CRIM1: variants seen among roughly 807,000 people sequenced by gnomAD.
CRIM1 encodes cysteine-rich motor neuron 1 protein.
CRIM1 carries 32 observed loss-of-function variants against 116.4 expected under a neutral mutation model. The ratio of observed to expected loss-of-function variants is 0.27; its 90% CI spans 0.21 to 0.37. The LOEUF is 0.37. CRIM1 is among the 10% of genes least tolerant of loss of function. The pLI is 1.00. For missense variants in CRIM1, 1,331 were observed against 1,354.8 expected, an observed-to-expected ratio of 0.98 and a Z score of 0.28; for synonymous variants, 590 against 509.2, an observed-to-expected ratio of 1.16 and a Z score of -2.13.
At chr2:36,456,880 C>T (rs1424987434) in intron 4 of CRIM1, among the ~76,000 whole-genome samples, 1 of 151,862 alleles carries the variant, frequency 6.6e-6, no homozygotes, top group Non-Finnish European at 1.5e-5. Context: ...GTGAAAGATG[C>T]CGTTGTTTTC....
At chr2:36,487,735 G>A (rs140802296) in intron 7 of CRIM1, among the ~76,000 whole-genome samples, 1 of 152,032 alleles carries the variant, frequency 6.6e-6, no homozygotes, top group African/African-American at 2.4e-5. Flanking sequence ...TAAGAATATA[G>A]CCTCTAAAAG....
chr2:36,486,064 A>G (rs1160673296), intron 7 of CRIM1, among the ~76,000 whole-genome samples: 1 of 152,172 alleles, frequency 6.6e-6, no homozygotes, highest in African/African-American at 2.4e-5. Context: ...TCATATTTTG[A>G]TTTTTCTCTG....
At chr2:36,431,329 A>G (rs1264336241) in intron 2 of CRIM1, among the ~76,000 whole-genome samples, 1 of 152,092 alleles carries the variant, frequency 6.6e-6, no homozygotes, top group African/African-American at 2.4e-5. Context: ...ATATTCTTTT[A>G]CTCTCCAAGG....
At chr2:36,376,159 G>T (rs955131707) in intron 1 of CRIM1, among the ~76,000 whole-genome samples, 3 of 152,204 alleles carry the variant, frequency 2.0e-5, no homozygotes, top group African/African-American at 7.2e-5. Context: ...AAACTTCAAG[G>T]TGGGAATCAA....
At chr2:36,529,451 G>T in intron 13 of CRIM1, 1 of 212,690 alleles carries the variant, frequency 4.7e-6, no homozygotes, top group Non-Finnish European at 9.8e-6. Context: ...GGGCCACCTT[G>T]ATCTTTAGTT....
At chr2:36,386,479 A>T (rs1340698929) in intron 1 of CRIM1, among the ~76,000 whole-genome samples, 1 of 152,206 alleles carries the variant, frequency 6.6e-6, no homozygotes, top group Non-Finnish European at 1.5e-5. Flanking sequence ...TTTCTCTGTT[A>T]TTTCTAAATA....
At chr2:36,376,368 C>T (rs1670319061) in intron 1 of CRIM1, among the ~76,000 whole-genome samples, 1 of 152,192 alleles carries the variant, frequency 6.6e-6, no homozygotes, top group Admixed American at 6.5e-5. Context: ...CCTGTGTAAG[C>T]TGCAGGTTGA....
chr2:36,547,506 C>T (rs1667435705), intron 16 of CRIM1, among the ~76,000 whole-genome samples: 1 of 152,080 alleles, frequency 6.6e-6, no homozygotes, highest in Non-Finnish European at 1.5e-5. Flanking sequence ...AACGTGATCA[C>T]CTGGCATTTC....
At chr2:36,529,148 T>C (rs1201022594) in intron 13 of CRIM1, 2 of 471,196 alleles carry the variant, frequency 4.2e-6, no homozygotes, top group Non-Finnish European at 4.4e-6. Context: ...CTTATTTTGG[T>C]CCAGGAGGCC....
chr2:36,447,446 T>A (rs1676334642), intron 4 of CRIM1, among the ~76,000 whole-genome samples: 1 of 152,136 alleles, frequency 6.6e-6, no homozygotes, highest in South Asian at 2.1e-4. Flanking sequence ...TGACAAAGAT[T>A]TATTCTTTGT....
chr2:36,435,390 G>C (rs17018786), intron 2 of CRIM1, among the ~76,000 whole-genome samples: 3,214 of 151,994 alleles, frequency 0.021, 145 homozygotes, highest in East Asian at 0.18. Context: ...AGAACGAGAA[G>C]AGATTTCAAA....
chr2:36,407,231 A>G (rs1433081410), intron 2 of CRIM1, among the ~76,000 whole-genome samples: 1 of 152,230 alleles, frequency 6.6e-6, no homozygotes. Flanking sequence ...ATACAGAAGC[A>G]CACACACATA....
rs1299888692 is a variant in CRIM1 at position 36,356,624 on chromosome 2, GTACGGCCGCCCGC to G, written c.331+3_331+15del. On this transcript the variant is annotated splice_donor_variant and splice_donor_5th_base_variant and intron_variant, in intron 1 of 16. Transcript: ENST00000280527. LOFTEE classifies it high-confidence loss of function. The surrounding 1 kb of genome is among the most constrained non-coding windows in gnomAD (Gnocchi z 4.3). ...GAGTACGAAGCGGGCGTTTGCGAAG[GTACGGCCGCCCGC>G]TGCGGGCCCCCTCCCACCTGGCCTG... The G allele has an allele frequency of 1.9e-6, 3 of 1,604,162 alleles. No individual in the cohort carries two copies. Among genetic ancestry groups the G allele is most frequent in the African/African-American group, 2.7e-5 (2 of 74,900 alleles).
intron 14 of CRIM1, among the ~76,000 whole-genome samples, chr2:36,540,541 G>A (rs904454627): frequency 6.6e-6 from 1 of 152,132 alleles, no homozygotes; most frequent in African/African-American, 2.4e-5. Context: ...CAAGGCCAGT[G>A]CCTCTGGAGC....
rs1006044403 is a variant in CRIM1, at chr2:36,460,103, GA to G, written c.870-4421del. On this transcript the variant is annotated intron_variant, in intron 4 of 16. Transcript: ENST00000280527. Reference sequence around the variant, plus strand: ...GAGCTTGAATCCATTACCTACTTGAGAAAAAAAAAAGACAGCTTTACCAAGT... The same window carrying G: ...GAGCTTGAATCCATTACCTACTTGAGAAAAAAAAAGACAGCTTTACCAAGT... Among the ~76,000 whole-genome samples the G allele has an allele frequency of 2.7e-5, 4 of 147,796 alleles. No homozygotes were observed. The East Asian group carries it at 5.9e-4, about 22-fold the overall frequency.
intron 7 of CRIM1, among the ~76,000 whole-genome samples, chr2:36,494,301 G>A (rs1485704774): frequency 6.6e-6 from 1 of 152,082 alleles, no homozygotes; most frequent in Non-Finnish European, 1.5e-5. Flanking sequence ...TTCAATAACA[G>A]TGTCTGAAGC....
In CRIM1 at chr2:36,380,746, A is replaced by T. The variant is rs146443575; in HGVS notation, c.332-15868A>T. On this transcript the variant is annotated intron_variant, in intron 1 of 16. Transcript: ENST00000280527. ...TAGCCAAAAAATCATCAGACTTTGAAAATCAGTGAGGTCAGAGGACTGTTG... is the reference window on the plus strand; with the variant it reads ...TAGCCAAAAAATCATCAGACTTTGATAATCAGTGAGGTCAGAGGACTGTTG... 1.6e-3 allele frequency among the ~76,000 whole-genome samples: 241 copies of T among 152,288 alleles called. 1 individual carries two copies. The highest frequency in any genetic ancestry group is 5.5e-3 in the African/African-American group (227 of 41,542).
chr2:36,483,995 G>C (rs1679622352), intron 7 of CRIM1, among the ~76,000 whole-genome samples: 1 of 152,196 alleles, frequency 6.6e-6, no homozygotes, highest in Non-Finnish European at 1.5e-5. Flanking sequence ...CATGAGGTGG[G>C]CCTACATGTC....
chr2:36,513,985 C>T (rs527621975), intron 11 of CRIM1, among the ~76,000 whole-genome samples: 7 of 152,320 alleles, frequency 4.6e-5, no homozygotes, highest in African/African-American at 1.7e-4. Flanking sequence ...AATGGCTCTC[C>T]TCCTTTTTGA....
Sources: gnomAD v4.1 joint callset for allele counts (sites outside exome capture counted in the v4.1 genomes callset) on GRCh38, gnomAD v4.1.1 for gene constraint, Gnocchi (gnomAD v3.1) non-coding constraint, MANE v1.5 for transcripts, NCBI Gene and HGNC (gene_info 2026-07-23, HGNC 2026-07-21) for gene names.